Variants in PLCB1 observed in about 807,000 individuals in gnomAD.
PLCB1 encodes phospholipase C beta 1, also known as 1-phosphatidylinositol 4,5-bisphosphate phosphodiesterase beta-1.
PLCB1 carries 46 observed loss-of-function variants against 161.8 expected under a neutral mutation model. The observed-to-expected ratio is 0.28, with a 90% CI of 0.22 to 0.36. The LOEUF (loss-of-function observed/expected upper bound fraction) is 0.36. PLCB1 is among the 10% of genes least tolerant of loss of function. PLCB1 has a pLI of 1.00. For missense variants in PLCB1, 1,016 were observed against 1,472.5 expected (o/e 0.69, Z 5.07); for synonymous variants, 517 against 503.7 (o/e 1.03, Z -0.35).
chr20:8,523,492 C>CCATATATATATATATATATATA (rs1555766816), intron 3 of PLCB1, among the ~76,000 whole-genome samples: 3 of 61,856 alleles, frequency 4.8e-5, no homozygotes, highest in Non-Finnish European at 9.9e-5. Flanking sequence ...CTCTCTCTCT[C>CCATATATATATATATATATATA]TCTCTATATA....
chr20:8,832,628 A>G (rs1193316389), intron 31 of PLCB1, among the ~76,000 whole-genome samples: 4 of 152,218 alleles, frequency 2.6e-5, no homozygotes, highest in African/African-American at 9.6e-5. Flanking sequence ...CTTGAGCCAG[A>G]TTATAGGAAT....
intron 3 of PLCB1, among the ~76,000 whole-genome samples, chr20:8,592,753 T>G (rs1987188240): frequency 1.3e-5 from 2 of 152,332 alleles, no homozygotes; most frequent in South Asian, 4.1e-4. Flanking sequence ...GAGTTTTGGA[T>G]TCAGGATGCT....
At chr20:8,385,695 A>G (rs1339721425) in intron 3 of PLCB1, among the ~76,000 whole-genome samples, 1 of 152,180 alleles carries the variant, frequency 6.6e-6, no homozygotes, top group African/African-American at 2.4e-5. Context: ...AGTTCTGTGG[A>G]AAAAGCATGG....
At chr20:8,439,695 A>C (rs997993495) in intron 3 of PLCB1, among the ~76,000 whole-genome samples, 1 of 152,124 alleles carries the variant, frequency 6.6e-6, no homozygotes, top group East Asian at 1.9e-4. Context: ...TTAAATCTTC[A>C]TTACTATATT....
At chr20:8,812,649 G>A (rs569595388) in intron 31 of PLCB1, among the ~76,000 whole-genome samples, 1 of 152,262 alleles carries the variant, frequency 6.6e-6, no homozygotes, top group African/African-American at 2.4e-5. Context: ...CAGCCTGGCA[G>A]GTCTAAGTCT....
intron 3 of PLCB1, among the ~76,000 whole-genome samples, chr20:8,380,236 GT>G (rs779519464): frequency 1.3e-5 from 2 of 152,164 alleles, no homozygotes; most frequent in Non-Finnish European, 1.5e-5. Context: ...TTTCCCCATT[GT>G]TTGTTTTTGT....
At chr20:8,220,582 G>T (rs933858151) in intron 2 of PLCB1, among the ~76,000 whole-genome samples, 21 of 152,202 alleles carry the variant, frequency 1.4e-4, no homozygotes, top group African/African-American at 4.6e-4. Context: ...CGAGATTGGG[G>T]TGATACAGCT....
intron 31 of PLCB1, among the ~76,000 whole-genome samples, chr20:8,832,692 G>A (rs7271034): frequency 0.29 from 43,990 of 152,100 alleles, 6,528 homozygotes; most frequent in Middle Eastern, 0.41. Flanking sequence ...CGAAAGCCTG[G>A]CCCACAGGTG....
chr20:8,166,432 C>A (rs1231548276), intron 2 of PLCB1, among the ~76,000 whole-genome samples: 1 of 152,150 alleles, frequency 6.6e-6, no homozygotes, highest in Non-Finnish European at 1.5e-5. Flanking sequence ...TCCTACCTCT[C>A]CAGCCACATG....
At chr20:8,296,189 C>T (rs531783949) in intron 2 of PLCB1, among the ~76,000 whole-genome samples, 1 of 152,262 alleles carries the variant, frequency 6.6e-6, no homozygotes, top group South Asian at 2.1e-4. Flanking sequence ...TCAAGTTAAT[C>T]ACCTAATTAT....
At chr20:8,681,757 T>C (rs1222211446) in intron 9 of PLCB1, among the ~76,000 whole-genome samples, 2 of 152,224 alleles carry the variant, frequency 1.3e-5, no homozygotes, top group African/African-American at 2.4e-5. Context: ...GCCTTTTGCA[T>C]AGGTGAAAAA....
chr20:8,184,366 A>C (rs183779374), intron 2 of PLCB1, among the ~76,000 whole-genome samples: 393 of 152,310 alleles, frequency 2.6e-3, no homozygotes, highest in South Asian at 5.6e-3. Flanking sequence ...AAAGTTCATA[A>C]GAAATGATTA....
At chr20:8,593,738 G>C (rs1404563073) in intron 3 of PLCB1, among the ~76,000 whole-genome samples, 2 of 151,876 alleles carry the variant, frequency 1.3e-5, no homozygotes, top group African/African-American at 4.8e-5. Context: ...TGATAACTAA[G>C]AATGTATCAT....
At chr20:8,490,930 A>G (rs899390009) in intron 3 of PLCB1, among the ~76,000 whole-genome samples, 2 of 151,308 alleles carry the variant, frequency 1.3e-5, no homozygotes, top group African/African-American at 4.9e-5. Context: ...ATTAGCATAT[A>G]TGTGTGTGTG....
intron 3 of PLCB1, among the ~76,000 whole-genome samples, chr20:8,514,679 T>C (rs892432154): frequency 5.9e-5 from 9 of 152,152 alleles, no homozygotes; most frequent in Admixed American, 2.0e-4. Flanking sequence ...TTTTAGTACT[T>C]TTTCTACCCT....
At chr20:8,749,958 T>A (rs999320488) in intron 23 of PLCB1, among the ~76,000 whole-genome samples, 31 of 152,158 alleles carry the variant, frequency 2.0e-4, no homozygotes, top group Non-Finnish European at 3.5e-4. Context: ...ATTCAATATT[T>A]TTTTTTTAAA....
intron 1 of PLCB1, among the ~76,000 whole-genome samples, chr20:8,133,873 TTATCCTC>T (rs1268486451): frequency 1.3e-5 from 2 of 152,218 alleles, no homozygotes; most frequent in Non-Finnish European, 2.9e-5. Context: ...TTATAGCCTG[TTATCCTC>T]TAGGGTATTT....
At chr20:8,182,548 C>CT (rs1225201803) in intron 2 of PLCB1, among the ~76,000 whole-genome samples, 1 of 151,714 alleles carries the variant, frequency 6.6e-6, no homozygotes. Flanking sequence ...TCCCATTTGA[C>CT]TTGCCAGTTG....
intron 12 of PLCB1, among the ~76,000 whole-genome samples, chr20:8,710,047 T>C (rs1978908568): frequency 6.6e-6 from 1 of 152,178 alleles, no homozygotes; most frequent in Non-Finnish European, 1.5e-5. Flanking sequence ...TACGTATGAG[T>C]CCATTCTTGT....
Sources: allele counts gnomAD v4.1 joint callset (sites outside exome capture counted in the v4.1 genomes callset), GRCh38; gene constraint gnomAD v4.1.1; transcripts MANE v1.5; gene names NCBI Gene and HGNC (gene_info 2026-07-23, HGNC 2026-07-21).